SMPD3: variants seen among roughly 807,000 people sequenced by gnomAD.
SMPD3 encodes the protein sphingomyelin phosphodiesterase 3.
SMPD3 carries 21 observed loss-of-function variants against 55.7 expected under a neutral mutation model. That is an observed-to-expected ratio of 0.38 (90% confidence interval 0.27 to 0.54). The LOEUF (loss-of-function observed/expected upper bound fraction) is 0.54. Among genes scored for constraint, SMPD3 ranks in the 20% least tolerant of loss-of-function variants. The probability of loss-of-function intolerance (pLI) is 0.80; values close to 1 mark genes in which losing one functional copy is unlikely to be tolerated. For synonymous variants in SMPD3, 457 were observed against 404.3 expected (o/e 1.13, Z -1.56); for missense variants, 842 against 899.6 (o/e 0.94, Z 0.82).
At chr16:68,390,958 G>A (rs931446101) in intron 1 of SMPD3, among the ~76,000 whole-genome samples, 1 of 152,182 alleles carries the variant, frequency 6.6e-6, no homozygotes, top group Non-Finnish European at 1.5e-5. Flanking sequence ...CTACAGGGTG[G>A]TGAGTGGTTG....
At chr16:68,385,093 G>C (rs2090028895) in intron 2 of SMPD3, among the ~76,000 whole-genome samples, 1 of 152,166 alleles carries the variant, frequency 6.6e-6, no homozygotes. Flanking sequence ...CAGCACCTCA[G>C]AGAATATGCT....
chr16:68,359,936 G>T lies in SMPD3; in HGVS notation c.*1270C>A, dbSNP rs2089145631. ...GGCCAGCTCTGCCATGCTGAACTTG[G>T]GTGCCAGTACCACACCCTGCCCTGG... On this transcript the variant is annotated 3_prime_UTR_variant, in exon 9 of 9. Transcript: ENST00000219334. The T allele has an allele frequency of 6.6e-6, 1 of 152,596 alleles. No individual in the cohort carries two copies. Among genetic ancestry groups the T allele is most frequent in the Non-Finnish European group, 1.5e-5 (1 of 68,212 alleles). 9.5% of individuals were successfully genotyped at this position (152,596 alleles called of 1,614,324 possible). A position where few individuals can be genotyped will look rare whatever the true frequency, so the allele number is the denominator to read the frequency against.
At chr16:68,426,394 G>A (rs1022307365) in intron 1 of SMPD3, among the ~76,000 whole-genome samples, 3 of 152,114 alleles carry the variant, frequency 2.0e-5, no homozygotes. Context: ...GGCTCACCCT[G>A]GTCACACTGA....
chr16:68,364,713 A>C, intron 5 of SMPD3, 38 bp downstream of exon 5: 1 of 1,588,140 alleles, frequency 6.3e-7, no homozygotes, highest in South Asian at 1.1e-5. Flanking sequence ...CAGCCTCCCC[A>C]GAGCTGGAGA....
intron 3 of SMPD3, among the ~76,000 whole-genome samples, chr16:68,365,410 C>T (rs562294846): frequency 1.1e-4 from 16 of 152,284 alleles, no homozygotes; most frequent in Admixed American, 2.6e-4. Flanking sequence ...CAGTGACCAG[C>T]GTGGCCACGG....
chr16:68,362,431 G>T (rs1420432034), intron 7 of SMPD3, among the ~76,000 whole-genome samples: 1 of 152,244 alleles, frequency 6.6e-6, no homozygotes, highest in African/African-American at 2.4e-5. Flanking sequence ...TTCTGGCACT[G>T]TTGCCCTGAG....
At chr16:68,444,045 T>C (rs2090589055) in intron 1 of SMPD3, among the ~76,000 whole-genome samples, 1 of 152,260 alleles carries the variant, frequency 6.6e-6, no homozygotes, top group South Asian at 2.1e-4. Flanking sequence ...TTTCCTCTTA[T>C]TAGCTCATAA....
chr16:68,363,895 C>T (rs779925910), intron 5 of SMPD3, 29 bp from the exon 6 acceptor site: 1 of 1,539,602 alleles, frequency 6.5e-7, no homozygotes, highest in South Asian at 1.2e-5. Flanking sequence ...AACGCTGAGG[C>T]ACCAGGGGGC....
At chr16:68,378,690 G>A (rs943737666) in intron 2 of SMPD3, among the ~76,000 whole-genome samples, 6 of 152,090 alleles carry the variant, frequency 3.9e-5, no homozygotes, top group Non-Finnish European at 7.4e-5. Context: ...TCCACAGGGA[G>A]GGCAGTGAGC....
intron 1 of SMPD3, among the ~76,000 whole-genome samples, chr16:68,436,630 T>G (rs2090524811): frequency 6.6e-6 from 1 of 152,228 alleles, no homozygotes; most frequent in Non-Finnish European, 1.5e-5. Context: ...GGCTTGGCCT[T>G]ATTAAATGTG....
intron 1 of SMPD3, among the ~76,000 whole-genome samples, chr16:68,442,450 C>T (rs967758788): frequency 7.2e-5 from 11 of 152,192 alleles, no homozygotes; most frequent in African/African-American, 1.9e-4. Context: ...TTGTGTTCCC[C>T]GTGCCCAGCG....
At chr16:68,402,588 A>C (rs978973304) in intron 1 of SMPD3, among the ~76,000 whole-genome samples, 1 of 151,902 alleles carries the variant, frequency 6.6e-6, no homozygotes, top group African/African-American at 2.4e-5. Context: ...GTTTATCCTC[A>C]TTTGTCATGG....
At chr16:68,412,338 G>A (rs2090308615) in intron 1 of SMPD3, among the ~76,000 whole-genome samples, 1 of 152,322 alleles carries the variant, frequency 6.6e-6, no homozygotes, top group South Asian at 2.1e-4. Flanking sequence ...GAAACCCACA[G>A]CCAGGGTGAT....
chr16:68,446,418 T>C (rs1039398013), intron 1 of SMPD3, among the ~76,000 whole-genome samples: 2 of 151,738 alleles, frequency 1.3e-5, no homozygotes, highest in Non-Finnish European at 2.9e-5. Flanking sequence ...GAGTTAAAGA[T>C]GTGACTACCC....
intron 1 of SMPD3, among the ~76,000 whole-genome samples, chr16:68,442,372 G>C (rs16957967): frequency 0.021 from 3,219 of 152,258 alleles, 118 homozygotes; most frequent in African/African-American, 0.073. Context: ...CATTATTTCA[G>C]GGTTTCTGTG....
At chr16:68,412,178 G>C (rs2090307080) in intron 1 of SMPD3, among the ~76,000 whole-genome samples, 1 of 152,182 alleles carries the variant, frequency 6.6e-6, no homozygotes, top group Non-Finnish European at 1.5e-5. Context: ...GGAGGGGAGG[G>C]CATGAAGATG....
At chr16:68,382,613 G>C (rs1488483560) in intron 2 of SMPD3, among the ~76,000 whole-genome samples, 2 of 152,182 alleles carry the variant, frequency 1.3e-5, no homozygotes, top group Admixed American at 1.3e-4. Context: ...GAACAGGTGT[G>C]GTGGTGGGAC....
chr16:68,367,141 G>C, intron 3 of SMPD3, among the ~76,000 whole-genome samples: 1 of 152,134 alleles, frequency 6.6e-6, no homozygotes, highest in Non-Finnish European at 1.5e-5. Flanking sequence ...GCACCACTCT[G>C]GCCTGGGCGA....
In SMPD3 at chr16:68,372,454, T is replaced by C; in HGVS notation, c.-206-67A>G. The C allele has an allele frequency of 5.9e-6, 3 of 509,328 alleles. No individual in the cohort carries two copies. In the East Asian group the frequency reaches 1.1e-4, roughly 18 times the overall value. The allele number at this position is 509,328 out of a possible 1,614,324, so 31.6% of individuals were successfully genotyped here. A position where few individuals can be genotyped will look rare whatever the true frequency, so the allele number is the denominator to read the frequency against. On this transcript the variant is annotated intron_variant, in intron 2 of 8. Transcript: ENST00000219334. ...AGGGGAGTGGGTCAGATATGGGGCC[T>C]TTGCCCCAGCTCATCCCACTCCTGC... is the stretch of plus-strand genomic sequence containing the variant.
Sources: gnomAD v4.1 joint callset for allele counts (sites outside exome capture counted in the v4.1 genomes callset) on GRCh38, gnomAD v4.1.1 for gene constraint, MANE v1.5 for transcripts, NCBI Gene and HGNC (gene_info 2026-07-23, HGNC 2026-07-21) for gene names.